Variants in ATP8A2 observed in about 807,000 individuals in gnomAD.
ATP8A2 encodes the protein phospholipid-transporting ATPase IB.
A neutral mutation model predicts 165.6 loss-of-function variants in ATP8A2; 100 were observed. That is an observed-to-expected ratio of 0.60 (90% CI 0.51 to 0.71). The LOEUF (loss-of-function observed/expected upper bound fraction) is 0.71. ATP8A2 is among the 30% of genes least tolerant of loss of function. ATP8A2 has a pLI of 0.00. For synonymous variants in ATP8A2, 543 were observed against 548.8 expected (o/e 0.99, Z 0.15); for missense variants, 1,227 against 1,479.5 (o/e 0.83, Z 2.80).
At chr13:25,604,976 T>C (rs142105241) in intron 24 of ATP8A2, among the ~76,000 whole-genome samples, 508 of 152,342 alleles carry the variant, frequency 3.3e-3, no homozygotes, top group Non-Finnish European at 5.9e-3. Context: ...CTTACCACTG[T>C]TGGCTTTCTA....
At chr13:25,904,567 T>G (rs913159325) in intron 33 of ATP8A2, among the ~76,000 whole-genome samples, 4 of 152,212 alleles carry the variant, frequency 2.6e-5, no homozygotes, top group African/African-American at 9.6e-5. Flanking sequence ...GTGCCCTCCC[T>G]TGCCTTTGCC....
At chr13:25,499,997 G>A (rs1220443502) in intron 2 of ATP8A2, among the ~76,000 whole-genome samples, 1 of 152,112 alleles carries the variant, frequency 6.6e-6, no homozygotes, top group Admixed American at 6.5e-5. Context: ...TAGTCCTAGG[G>A]TAGCACAGCT....
intron 24 of ATP8A2, among the ~76,000 whole-genome samples, chr13:25,676,320 A>G (rs1172871925): frequency 3.3e-5 from 5 of 152,192 alleles, no homozygotes; most frequent in Non-Finnish European, 7.3e-5. Flanking sequence ...AGATATTTCT[A>G]CATTTGCTAT....
chr13:25,646,266 A>G (rs1272822609), intron 24 of ATP8A2, among the ~76,000 whole-genome samples: 3 of 152,080 alleles, frequency 2.0e-5, no homozygotes, highest in Non-Finnish European at 4.4e-5. Context: ...TTTGAGTGAA[A>G]TATCTTTTTC....
At chr13:25,540,236 A>G in intron 7 of ATP8A2, 83 bp from the exon 8 acceptor site, 1 of 1,013,734 alleles carries the variant, frequency 9.9e-7, no homozygotes, top group Non-Finnish European at 1.6e-6. Flanking sequence ...CAGCAGACAC[A>G]GATTCCATAA....
At chr13:25,965,886 C>T (rs1188337376) in intron 34 of ATP8A2, among the ~76,000 whole-genome samples, 1 of 152,108 alleles carries the variant, frequency 6.6e-6, no homozygotes, top group African/African-American at 2.4e-5. Context: ...CACAAATGGG[C>T]CTTGATTTCT....
intron 2 of ATP8A2, among the ~76,000 whole-genome samples, chr13:25,484,547 C>T (rs930723657): frequency 3.3e-5 from 5 of 152,030 alleles, no homozygotes; most frequent in Admixed American, 2.6e-4. Context: ...GACAGAGTCT[C>T]GCTGTTGCCC....
chr13:25,462,589 T>C (rs2035533055), intron 1 of ATP8A2, among the ~76,000 whole-genome samples: 1 of 151,888 alleles, frequency 6.6e-6, no homozygotes, highest in Admixed American at 6.6e-5. Context: ...TTTATTGGGG[T>C]TTCATTATGT....
rs563607052 is a variant in ATP8A2 at position 25,524,172 on chromosome 13, G to C, written c.222-5827G>C. 3.5e-5 allele frequency among the ~76,000 whole-genome samples: 5 copies of C among 144,038 alleles called. No homozygotes were observed. In the East Asian group the frequency reaches 7.7e-4, roughly 22 times the overall value. The allele number at this position is 144,038 out of a possible 152,430, so 94.5% of individuals were successfully genotyped here. A position where few individuals can be genotyped will look rare whatever the true frequency, so the allele number is the denominator to read the frequency against. On this transcript the variant is annotated intron_variant, in intron 2 of 36. Coordinates refer to ENST00000381655, the MANE Select transcript of ATP8A2 (RefSeq NM_016529.6). Reference sequence around the variant, plus strand: ...TTCCATGGGTTTGTGTAGTTTCCAGGGTTCTTATTGTTATTGATTTCTAGT... The same window carrying C: ...TTCCATGGGTTTGTGTAGTTTCCAGCGTTCTTATTGTTATTGATTTCTAGT...
At chr13:25,746,697 G>T (rs2044039305) in intron 25 of ATP8A2, among the ~76,000 whole-genome samples, 1 of 152,156 alleles carries the variant, frequency 6.6e-6, no homozygotes, top group Non-Finnish European at 1.5e-5. Flanking sequence ...TCATGCCCCA[G>T]CAGCAATAAC....
chr13:25,473,089 C>T lies in ATP8A2; in HGVS notation c.221+3968C>T, dbSNP rs555332734. Among the ~76,000 whole-genome samples the T allele has an allele frequency of 3.3e-5, 5 of 152,288 alleles. No individual in the cohort carries two copies. The South Asian group carries it at 6.2e-4, about 19-fold the overall frequency. ...GCCTAGAAAGCAGGAGTGAGGTCCC[C>T]TCTGAGGTCCATTGTGGCCTCAGCA... On this transcript the variant is annotated intron_variant, in intron 2 of 36. Transcript: ENST00000381655.
intron 24 of ATP8A2, among the ~76,000 whole-genome samples, chr13:25,605,638 C>A (rs533401181): frequency 6.6e-6 from 1 of 152,214 alleles, no homozygotes; most frequent in Admixed American, 6.5e-5. Context: ...AATGCAACTA[C>A]TCACAATAGA....
chr13:25,918,823 G>A (rs1041483315), intron 33 of ATP8A2, among the ~76,000 whole-genome samples: 2 of 152,160 alleles, frequency 1.3e-5, no homozygotes, highest in African/African-American at 2.4e-5. Context: ...GATGTTAGAG[G>A]ACTGCTGTAT....
intron 1 of ATP8A2, among the ~76,000 whole-genome samples, chr13:25,425,912 C>G (rs1764644): frequency 0.081 from 12,262 of 152,260 alleles, 1,029 homozygotes; most frequent in African/African-American, 0.21. Flanking sequence ...TGCATTTAAG[C>G]TTCCTCTATG....
chr13:25,683,557 C>T (rs1326937639), intron 24 of ATP8A2, among the ~76,000 whole-genome samples: 1 of 152,132 alleles, frequency 6.6e-6, no homozygotes. Context: ...CCAGGATGCC[C>T]TTGCTTTCCT....
chr13:25,469,645 A>G (rs2035786754), intron 2 of ATP8A2, among the ~76,000 whole-genome samples: 1 of 152,206 alleles, frequency 6.6e-6, no homozygotes, highest in African/African-American at 2.4e-5. Context: ...GACAGAAGCT[A>G]GCGTTTAAAT....
At chr13:25,491,523 C>G (rs550468100) in intron 2 of ATP8A2, among the ~76,000 whole-genome samples, 80 of 152,172 alleles carry the variant, frequency 5.3e-4, no homozygotes, top group African/African-American at 1.9e-3. Flanking sequence ...TCACCATGCC[C>G]GACGCCTGAG....
intron 27 of ATP8A2, among the ~76,000 whole-genome samples, chr13:25,809,279 C>T (rs1037367830): frequency 6.6e-6 from 1 of 152,100 alleles, no homozygotes; most frequent in Admixed American, 6.5e-5. Flanking sequence ...CAAACCTCAG[C>T]ATCTCGCAGT....
chr13:25,392,642 G>A (rs796956342), intron 1 of ATP8A2, among the ~76,000 whole-genome samples: 1 of 152,208 alleles, frequency 6.6e-6, no homozygotes, highest in African/African-American at 2.4e-5. Flanking sequence ...AAAAAATTTT[G>A]TAATCCTGTT....
Sources: allele counts gnomAD v4.1 joint callset (sites outside exome capture counted in the v4.1 genomes callset), GRCh38; gene constraint gnomAD v4.1.1; transcripts MANE v1.5; gene names NCBI Gene and HGNC (gene_info 2026-07-23, HGNC 2026-07-21).